Variants in RNF111 observed in about 807,000 individuals in gnomAD.
RNF111 encodes E3 ubiquitin-protein ligase Arkadia.
RNF111 carries 17 observed loss-of-function variants against 95.1 expected under a neutral mutation model. That is an observed-to-expected ratio of 0.18 (90% CI 0.12 to 0.27). RNF111 has a LOEUF of 0.27. RNF111 is among the 10% of genes least tolerant of loss of function. The probability of loss-of-function intolerance (pLI) is 1.00; values close to 1 mark genes in which losing one functional copy is unlikely to be tolerated. For missense variants in RNF111, 1,189 were observed against 1,210.4 expected (o/e 0.98, Z 0.26); for synonymous variants, 440 against 414.8 (o/e 1.06, Z -0.74).
At chr15:59,008,376 C>A (rs1179262874) in intron 1 of RNF111, among the ~76,000 whole-genome samples, 3 of 151,944 alleles carry the variant, frequency 2.0e-5, no homozygotes, top group Non-Finnish European at 4.4e-5. Flanking sequence ...CACCACCATG[C>A]CTGACTAGTT....
At chr15:59,021,025 A>G (rs1016584310) in intron 1 of RNF111, among the ~76,000 whole-genome samples, 1 of 152,170 alleles carries the variant, frequency 6.6e-6, no homozygotes, top group African/African-American at 2.4e-5. Context: ...CACCTGAGCC[A>G]TGTATACTGT....
chr15:59,039,114 G>C (rs1390658714), intron 2 of RNF111, among the ~76,000 whole-genome samples: 1 of 152,090 alleles, frequency 6.6e-6, no homozygotes, highest in East Asian at 1.9e-4. Flanking sequence ...ACAGGCACGT[G>C]CCACCATACC....
chr15:59,044,134 G>A (rs1322677590), intron 2 of RNF111, among the ~76,000 whole-genome samples: 1 of 152,096 alleles, frequency 6.6e-6, no homozygotes, highest in Admixed American at 6.5e-5. Context: ...GGGTTCAAGC[G>A]ATTCTCCTGC....
rs1436571690 is a variant in RNF111 at position 59,080,127 on chromosome 15, T to TA, written c.1949-809_1949-808insA. 2.1e-5 allele frequency among the ~76,000 whole-genome samples: 3 copies of TA among 142,688 alleles called. No homozygotes were observed. In the East Asian group the frequency reaches 6.0e-4, roughly 28 times the overall value. 93.6% of individuals were successfully genotyped at this position (142,688 alleles called of 152,430 possible). A position where few individuals can be genotyped will look rare whatever the true frequency, so the allele number is the denominator to read the frequency against. ...TCTTGTGTGCTCCTTTTTTTTTTTT[T>TA]TTTTTTTTTTTGAGGTGGAGTCTCA... On this transcript the variant is annotated intron_variant, in intron 7 of 13. Transcript: ENST00000348370.
At chr15:59,026,733 T>C (rs1234072461) in intron 1 of RNF111, among the ~76,000 whole-genome samples, 1 of 149,116 alleles carries the variant, frequency 6.7e-6, no homozygotes, top group Admixed American at 6.7e-5. Flanking sequence ...GAAAAAAAAA[T>C]TTAGAACATG....
intron 7 of RNF111, among the ~76,000 whole-genome samples, chr15:59,079,354 CCTT>C (rs772430959): frequency 4.6e-5 from 7 of 152,150 alleles, no homozygotes; most frequent in Non-Finnish European, 5.9e-5. Flanking sequence ...GAGCTTTGTG[CCTT>C]CTTGAAGAGT....
chr15:59,073,419 T>G (rs1031450120), intron 6 of RNF111, among the ~76,000 whole-genome samples: 6 of 151,552 alleles, frequency 4.0e-5, no homozygotes, highest in African/African-American at 1.5e-4. Flanking sequence ...AGGTGGAAGT[T>G]GCAGTGAGCC....
At chr15:58,990,297 A>G (rs1414191281) in intron 1 of RNF111, among the ~76,000 whole-genome samples, 3 of 152,208 alleles carry the variant, frequency 2.0e-5, no homozygotes, top group African/African-American at 7.2e-5. Context: ...GTCGTAATTG[A>G]ATCCCCAGAA....
rs141970999 is a variant in RNF111, at chr15:59,090,526, G to A, written c.2644-533G>A. Among the ~76,000 whole-genome samples the A allele has an allele frequency of 4.1e-3, 619 of 152,210 alleles. 12 individuals carry two copies. The highest frequency in any genetic ancestry group is 0.035 in the Admixed American group (541 of 15,284). On this transcript the variant is annotated intron_variant, in intron 11 of 13. Coordinates refer to ENST00000348370, the MANE Select transcript of RNF111 (RefSeq NM_017610.8). ...ATTACAGGCGCAAGCCACCGCACCCGGCCCCCGTTGTGTTTTTTTTATGTC... is the reference window on the plus strand; with the variant it reads ...ATTACAGGCGCAAGCCACCGCACCCAGCCCCCGTTGTGTTTTTTTTATGTC...
At chr15:59,074,222 G>C (rs1294440983) in intron 6 of RNF111, among the ~76,000 whole-genome samples, 2 of 152,186 alleles carry the variant, frequency 1.3e-5, no homozygotes, top group African/African-American at 4.8e-5. Flanking sequence ...AATTGCAAAT[G>C]AGCATTGGAT....
intron 3 of RNF111, 40 bp downstream of exon 3, chr15:59,052,471 A>G: frequency 2.2e-6 from 3 of 1,390,566 alleles, no homozygotes; most frequent in Non-Finnish European, 2.9e-6. Flanking sequence ...GAAATATTAA[A>G]TATAAATATT....
chr15:59,079,913 A>T (rs376895453), intron 7 of RNF111, among the ~76,000 whole-genome samples: 2 of 152,284 alleles, frequency 1.3e-5, no homozygotes, highest in South Asian at 2.1e-4. Context: ...TTTACACCCT[A>T]TTATGACAGA....
chr15:59,089,746 G>T lies in RNF111; in HGVS notation c.2630G>T (p.Arg877Met). 2 of 1,611,232 alleles carry T rather than the reference G, an allele frequency of 1.2e-6. No individual in the cohort carries two copies. The change falls in exon 11 of 14, where the codon AGG becomes ATG. Residue 877 changes from arginine (R) to methionine (M), a missense_variant. By Grantham distance (91) the Arg-to-Met change is moderately conservative (BLOSUM62 -1). Transcript: ENST00000348370. ...LDGTSFRGPF[R>M]GNFEELIHLE... ...GGAACATCATTCAGAGGTCCTTTCA[G>T]GGGCAATTTTGAGGTATGTAATAAA...
intron 1 of RNF111, among the ~76,000 whole-genome samples, chr15:59,001,983 T>C (rs187225889): frequency 5.9e-5 from 9 of 152,328 alleles, no homozygotes; most frequent in Admixed American, 4.6e-4. Flanking sequence ...TCTCTCAAAA[T>C]ATTGTACTCA....
chr15:59,089,833 C>A, intron 11 of RNF111, 74 bp downstream of exon 11: 1 of 1,022,256 alleles, frequency 9.8e-7, no homozygotes, highest in Non-Finnish European at 1.5e-6. Flanking sequence ...TACTACTATA[C>A]ACAATTGTGT....
At chr15:59,091,259 G>T in intron 12 of RNF111, 105 bp downstream of exon 12, 1 of 608,210 alleles carries the variant, frequency 1.6e-6, no homozygotes, top group East Asian at 2.9e-5. Flanking sequence ...TTTTATTGAA[G>T]TAATGCATAC....
At chr15:59,087,739 G>A (rs1655763134) in intron 10 of RNF111, among the ~76,000 whole-genome samples, 2 of 152,096 alleles carry the variant, frequency 1.3e-5, no homozygotes, top group South Asian at 4.2e-4. Flanking sequence ...TCTCTGGGGT[G>A]GCAGAGGTGG....
chr15:59,066,487 G>A (rs901282927), intron 5 of RNF111, among the ~76,000 whole-genome samples: 5 of 152,100 alleles, frequency 3.3e-5, no homozygotes, highest in East Asian at 3.9e-4. Context: ...GTGCATGCCT[G>A]TAATCCCAGC....
At chr15:58,990,183 CTG>C (rs756762707) in intron 1 of RNF111, among the ~76,000 whole-genome samples, 8 of 152,162 alleles carry the variant, frequency 5.3e-5, no homozygotes, top group Non-Finnish European at 1.0e-4. Context: ...TCAGGTCTCT[CTG>C]TTTAAATGAG....
Sources: gnomAD v4.1 joint callset for allele counts (sites outside exome capture counted in the v4.1 genomes callset) on GRCh38, gnomAD v4.1.1 for gene constraint, MANE v1.5 for transcripts, NCBI Gene and HGNC (gene_info 2026-07-23, HGNC 2026-07-21) for gene names.